The following CCDC69 variants were observed in gnomAD, a reference collection of about 807,000 sequenced individuals.
The protein encoded by CCDC69 is coiled-coil domain containing 69.
Under a neutral mutation model 40.3 loss-of-function variants are expected in CCDC69, and 38 were observed. The ratio of observed to expected loss-of-function variants is 0.94; its 90% CI spans 0.73 to 1.24. CCDC69 has a LOEUF of 1.24. CCDC69 is among the 50% of genes most tolerant of loss of function. The probability of loss-of-function intolerance (pLI) is 0.00; values close to 1 mark genes in which losing one functional copy is unlikely to be tolerated. For synonymous variants in CCDC69, 141 were observed against 138.9 expected (o/e 1.02, Z -0.11); for missense variants, 389 against 357.9 (o/e 1.09, Z -0.70).
chr5:151,220,594 G>A (rs1047782672), intron 1 of CCDC69, among the ~76,000 whole-genome samples: 1 of 152,164 alleles, frequency 6.6e-6, no homozygotes, highest in African/African-American at 2.4e-5. Flanking sequence ...AAGGGCTGCT[G>A]AATGACTGAC....
intron 4 of CCDC69, among the ~76,000 whole-genome samples, chr5:151,191,164 A>G (rs549533279): frequency 6.6e-6 from 1 of 152,302 alleles, no homozygotes; most frequent in South Asian, 2.1e-4. Context: ...AATAGATGTT[A>G]TAGGTAGGTA....
intron 8 of CCDC69, 98 bp downstream of exon 8, chr5:151,184,246 C>A: frequency 1.1e-6 from 1 of 871,214 alleles, no homozygotes; most frequent in Non-Finnish European, 1.9e-6. Flanking sequence ...CTGGGCCCAC[C>A]TGTCAGTCCA....
At position 151,212,965 on chromosome 5, in the gene CCDC69, T is replaced by C. The variant is rs1031040968; in HGVS notation, c.49-7490A>G. 1.8e-4 allele frequency: 79 copies of C among 446,552 alleles called. 1 individual carries two copies. The highest frequency in any genetic ancestry group is 7.9e-4 in the Admixed American group (33 of 42,026). The allele number at this position is 446,552 out of a possible 1,614,324, so 27.7% of individuals were successfully genotyped here. On this transcript the variant is annotated intron_variant, in intron 1 of 8. Coordinates refer to ENST00000355417, the MANE Select transcript of CCDC69 (RefSeq NM_015621.3). Reference sequence around the variant, plus strand: ...ATCATTAGTAGCATGCAAGAAGAGGTTGGAGAGTCAAACTTCATGCTGTAG... The same window carrying C: ...ATCATTAGTAGCATGCAAGAAGAGGCTGGAGAGTCAAACTTCATGCTGTAG...
At chr5:151,183,763 A>G (rs1248680995) in intron 8 of CCDC69, 149 bp from the exon 9 acceptor site, 5 of 685,196 alleles carry the variant, frequency 7.3e-6, no homozygotes, top group Middle Eastern at 4.1e-4. Context: ...ACAAGAGGCA[A>G]TTCAATCTGT....
At chr5:151,203,947 T>A (rs1008510357) in intron 2 of CCDC69, among the ~76,000 whole-genome samples, 5 of 143,486 alleles carry the variant, frequency 3.5e-5, no homozygotes, top group African/African-American at 1.3e-4. Context: ...ATATATATAC[T>A]ATATATATAT....
At position 151,224,015 on chromosome 5, in the gene CCDC69, C is replaced by A; in HGVS notation, c.-45G>T. 1 of 1,502,108 alleles carries A rather than the reference C, an allele frequency of 6.7e-7. No homozygotes were observed. The highest frequency in any genetic ancestry group is 8.9e-7 in the Non-Finnish European group (1 of 1,126,108). The allele number at this position is 1,502,108 out of a possible 1,614,324, so 93.0% of individuals were successfully genotyped here. Reference sequence around the variant, plus strand: ...GACGCCGCTTCCCAACTCCGGGGCCCCCAGAGGAGCCTGCGATCCGGGCCC... The same window carrying A: ...GACGCCGCTTCCCAACTCCGGGGCCACCAGAGGAGCCTGCGATCCGGGCCC... On this transcript the variant is annotated 5_prime_UTR_variant, in exon 1 of 9. Coordinates refer to ENST00000355417, the MANE Select transcript of CCDC69 (RefSeq NM_015621.3).
chr5:151,202,936 G>A (rs1752796071), intron 2 of CCDC69, among the ~76,000 whole-genome samples: 1 of 152,142 alleles, frequency 6.6e-6, no homozygotes, highest in South Asian at 2.1e-4. Flanking sequence ...AATAGTAAAA[G>A]CAGGATAGGA....
At chr5:151,218,478 C>T (rs1186271699) in intron 1 of CCDC69, among the ~76,000 whole-genome samples, 2 of 152,162 alleles carry the variant, frequency 1.3e-5, no homozygotes, top group Non-Finnish European at 2.9e-5. Flanking sequence ...AGAGGCTCTT[C>T]CTTTCGTTGG....
At chr5:151,210,171 T>C (rs1752910586) in intron 1 of CCDC69, among the ~76,000 whole-genome samples, 1 of 152,248 alleles carries the variant, frequency 6.6e-6, no homozygotes, top group Admixed American at 6.5e-5. Flanking sequence ...AACATCCCTA[T>C]GGATGAATTT....
In CCDC69 at chr5:151,184,360, G is replaced by A; in HGVS notation, c.697C>T (p.Gln233Ter). Residue 233 changes from glutamine (Q) to a stop codon, truncating the protein, a stop_gained, in exon 8 of 9, where the codon CAG becomes TAG. Transcript: ENST00000355417. LOFTEE classifies it low-confidence loss of function (END_TRUNC). ...GACAGCTACCTTGACAGGACCACCTGGTTGCGGCTTCGGACATGGAGGTCC... is the reference window on the plus strand; with the variant it reads ...GACAGCTACCTTGACAGGACCACCTAGTTGCGGCTTCGGACATGGAGGTCC... ...NEDLHVRSRNQVVLSRQLSED... is the reference protein window; with the variant it reads ...NEDLHVRSRN The A allele has an allele frequency of 1.2e-6, 2 of 1,613,792 alleles. No individual in the cohort carries two copies. The highest frequency in any genetic ancestry group is 1.7e-6 in the Non-Finnish European group (2 of 1,179,776).
chr5:151,195,736 A>AC (rs1382589409), intron 4 of CCDC69, among the ~76,000 whole-genome samples: 2 of 150,372 alleles, frequency 1.3e-5, no homozygotes, highest in Non-Finnish European at 3.0e-5. Context: ...AAAAAAAAAA[A>AC]AAACACGCAC....
intron 1 of CCDC69, among the ~76,000 whole-genome samples, chr5:151,223,230 G>C (rs548760929): frequency 1.2e-4 from 18 of 152,304 alleles, no homozygotes; most frequent in Non-Finnish European, 2.5e-4. Context: ...CCCTGACCCA[G>C]CTCCAAGGCC....
rs1452529154 is a variant in CCDC69, at chr5:151,181,170, T to C, written c.*2267A>G. On this transcript the variant is annotated 3_prime_UTR_variant, in exon 9 of 9. Transcript: ENST00000355417. ...GAGGGAAGCCTGGCTCCCCACAACTTGCTCCTTCTCCAGCCCTGCCCCTCT... is the reference window on the plus strand; with the variant it reads ...GAGGGAAGCCTGGCTCCCCACAACTCGCTCCTTCTCCAGCCCTGCCCCTCT... 6.6e-6 allele frequency: 1 copy of C among 152,284 alleles called. No homozygotes were observed. The highest frequency in any genetic ancestry group is 1.5e-5 in the Non-Finnish European group (1 of 68,094). 9.4% of individuals were successfully genotyped at this position (152,284 alleles called of 1,614,324 possible).
Position 151,199,005 on chromosome 5 carries a change from G to A in CCDC69, c.311C>T (p.Ala104Val). 2 of 1,613,534 alleles carry A rather than the reference G, an allele frequency of 1.2e-6. No homozygotes were observed. Among genetic ancestry groups the A allele is most frequent in the Non-Finnish European group, 1.7e-6 (2 of 1,179,456 alleles). The change falls in exon 4 of 9, where the codon GCC (alanine) becomes GTC (valine). Residue 104 changes from alanine (A) to valine (V), a missense_variant. Ala to Val is a moderately conservative substitution (Grantham distance 64). Transcript: ENST00000355417. ...AACATCTCTACCCTTACCTTGCAGG[G>A]CCTCTTCATTCTTTCCTTCCAGGAC... ...QRVLEGKNEEALQVLRASYEQ... is the reference protein window; with the variant it reads ...QRVLEGKNEEVLQVLRASYEQ...
intron 1 of CCDC69, chr5:151,210,944 G>C (rs1033568619): frequency 6.6e-6 from 1 of 152,146 alleles, no homozygotes; most frequent in Non-Finnish European, 1.5e-5. Context: ...CTCCACCCTG[G>C]GTGACAGAGC....
In CCDC69 at chr5:151,198,287, GATTGATCTATCT is replaced by G. The variant is rs769311018; in HGVS notation, c.319+698_319+709del. Among the ~76,000 whole-genome samples, 588 of 142,014 alleles carry G rather than the reference GATTGATCTATCT, an allele frequency of 4.1e-3. 7 individuals carry two copies. Among genetic ancestry groups the G allele is most frequent in the Admixed American group, 6.3e-3 (88 of 13,992 alleles). 93.2% of individuals were successfully genotyped at this position (142,014 alleles called of 152,430 possible). ...CAGGGACTGGAGCTCTAGAGAATGAGATTGATCTATCTATCTATCTATCTATCTATCTATCTA... is the reference window on the plus strand; with the variant it reads ...CAGGGACTGGAGCTCTAGAGAATGAGATCTATCTATCTATCTATCTATCTA... On this transcript the variant is annotated intron_variant, in intron 4 of 8. Coordinates refer to ENST00000355417, the MANE Select transcript of CCDC69 (RefSeq NM_015621.3).
chr5:151,210,633 G>C (rs1275917472), intron 1 of CCDC69: 2 of 151,982 alleles, frequency 1.3e-5, no homozygotes, highest in Non-Finnish European at 2.9e-5. Context: ...TCTAATATTG[G>C]AAGGTTCGAC....
chr5:151,190,474 T>A (rs1752593615), intron 4 of CCDC69, among the ~76,000 whole-genome samples: 1 of 152,078 alleles, frequency 6.6e-6, no homozygotes, highest in African/African-American at 2.4e-5. Flanking sequence ...CAGACCAGAC[T>A]GGCCAACATG....
At chr5:151,210,928 A>T (rs1205644393) in intron 1 of CCDC69, 2 of 152,212 alleles carry the variant, frequency 1.3e-5, no homozygotes, top group African/African-American at 4.8e-5. Context: ...AGATTGGGCC[A>T]CTGCACTCCA....
Sources: allele counts gnomAD v4.1 joint callset (sites outside exome capture counted in the v4.1 genomes callset), GRCh38; gene constraint gnomAD v4.1.1; transcripts MANE v1.5; gene names NCBI Gene and HGNC (gene_info 2026-07-23, HGNC 2026-07-21).